The following MSH3 variants were observed in gnomAD, a reference collection of about 807,000 sequenced individuals.
MSH3 encodes DNA mismatch repair protein Msh3.
MSH3 carries 106 observed loss-of-function variants against 123.3 expected under a neutral mutation model. That is an observed-to-expected ratio of 0.86 (90% CI 0.73 to 1.01). The LOEUF is 1.01. Ranked by LOEUF, MSH3 falls within the 50% of genes least tolerant of loss-of-function variation. The pLI is 0.00. For missense variants in MSH3, 1,459 were observed against 1,347.6 expected (o/e 1.08, Z -1.29); for synonymous variants, 515 against 481.4 (o/e 1.07, Z -0.91).
intron 8 of MSH3, among the ~76,000 whole-genome samples, chr5:80,719,527 GGT>G (rs1402264540): frequency 6.6e-6 from 1 of 152,110 alleles, no homozygotes; most frequent in East Asian, 1.9e-4. Context: ...CGACAATCCT[GGT>G]TCTTATGTAA....
intron 10 of MSH3, among the ~76,000 whole-genome samples, chr5:80,731,702 AATTTGAAGAT>A (rs1482601865): frequency 6.6e-6 from 1 of 152,162 alleles, no homozygotes; most frequent in Admixed American, 6.5e-5. Context: ...AGTGGCATGT[AATTTGAAGAT>A]CATTCTAAAA....
At chr5:80,757,037 C>G (rs993890082) in intron 12 of MSH3, among the ~76,000 whole-genome samples, 1 of 152,000 alleles carries the variant, frequency 6.6e-6, no homozygotes, top group African/African-American at 2.4e-5. Context: ...AAAATACACC[C>G]CTAGCAGTTT....
At chr5:80,694,344 AT>A (rs1490110435) in intron 8 of MSH3, among the ~76,000 whole-genome samples, 5 of 152,350 alleles carry the variant, frequency 3.3e-5, no homozygotes, top group Middle Eastern at 3.4e-3. Flanking sequence ...ATTACATTAT[AT>A]ATACATAACT....
At position 80,685,388 on chromosome 5, in the gene MSH3, A is replaced by C. The variant is rs149254814; in HGVS notation, c.1340+6295A>C. Among the ~76,000 whole-genome samples the C allele has an allele frequency of 1.4e-3, 216 of 151,552 alleles. 1 individual carries two copies. The East Asian group carries it at 0.023, about 16-fold the overall frequency. ...CAGGTTTTGGATTTCTTCGTGGTTC[A>C]ATCTTGGTGGATTGTGTGTGTTTAG... is the stretch of plus-strand genomic sequence containing the variant. On this transcript the variant is annotated intron_variant, in intron 8 of 23. Transcript: ENST00000265081.
At chr5:80,724,534 C>CA (rs1247290664) in intron 8 of MSH3, among the ~76,000 whole-genome samples, 1 of 151,882 alleles carries the variant, frequency 6.6e-6, no homozygotes, top group Non-Finnish European at 1.5e-5. Flanking sequence ...AATAGGGAGT[C>CA]AAAAAACATA....
At chr5:80,719,898 T>C (rs777146624) in intron 8 of MSH3, among the ~76,000 whole-genome samples, 16 of 152,264 alleles carry the variant, frequency 1.1e-4, no homozygotes, top group Non-Finnish European at 2.1e-4. Context: ...CCTGGCAGGC[T>C]TGTTAAAGCG....
intron 8 of MSH3, among the ~76,000 whole-genome samples, chr5:80,705,915 C>G (rs1398489860): frequency 6.6e-6 from 1 of 152,168 alleles, no homozygotes; most frequent in Non-Finnish European, 1.5e-5. Context: ...ACATTATATA[C>G]TGAGGGTGTG....
intron 17 of MSH3, among the ~76,000 whole-genome samples, chr5:80,785,271 A>G (rs147932609): frequency 6.6e-6 from 1 of 152,332 alleles, no homozygotes; most frequent in East Asian, 1.9e-4. Context: ...TATCTGAGCT[A>G]CACTATTTTT....
At chr5:80,845,540 A>G (rs922774207) in intron 20 of MSH3, among the ~76,000 whole-genome samples, 6 of 152,186 alleles carry the variant, frequency 3.9e-5, no homozygotes, top group African/African-American at 1.2e-4. Context: ...CAGTACACCA[A>G]TCAAATGTAT....
Position 80,854,073 on chromosome 5 carries a change from C to T in MSH3, c.2814-57C>T, listed in dbSNP as rs1388959331. The T allele has an allele frequency of 7.3e-5, 99 of 1,352,440 alleles. No homozygotes were observed. In the Middle Eastern group the frequency reaches 1.8e-3, roughly 25 times the overall value. 83.8% of individuals were successfully genotyped at this position (1,352,440 alleles called of 1,614,324 possible). ...TATTTATTGTTCATAAAATAATGTTCGGCTTCCTAATAAGAAAGTGAAGAG... is the reference window on the plus strand; with the variant it reads ...TATTTATTGTTCATAAAATAATGTTTGGCTTCCTAATAAGAAAGTGAAGAG... On this transcript the variant is annotated intron_variant, in intron 20 of 23. Transcript: ENST00000265081.
chr5:80,860,717 G>T (rs1746002243), intron 21 of MSH3, among the ~76,000 whole-genome samples: 1 of 151,690 alleles, frequency 6.6e-6, no homozygotes, highest in Non-Finnish European at 1.5e-5. Flanking sequence ...ACATTACTTT[G>T]GGGAAATTCT....
intron 8 of MSH3, among the ~76,000 whole-genome samples, chr5:80,718,455 G>A (rs1470397998): frequency 6.8e-6 from 1 of 147,164 alleles, no homozygotes; most frequent in East Asian, 2.0e-4. Context: ...TTATCTACAG[G>A]TTCCCTCTCC....
intron 8 of MSH3, among the ~76,000 whole-genome samples, chr5:80,706,745 G>A (rs182152213): frequency 2.7e-4 from 41 of 152,174 alleles, no homozygotes; most frequent in African/African-American, 9.1e-4. Context: ...AGAATCTTAT[G>A]CCAAAAATAT....
At chr5:80,836,098 G>A (rs370321029) in intron 20 of MSH3, among the ~76,000 whole-genome samples, 2 of 151,866 alleles carry the variant, frequency 1.3e-5, no homozygotes, top group East Asian at 3.9e-4. Flanking sequence ...ATGTTTTTTA[G>A]AATAAACTCA....
intron 6 of MSH3, among the ~76,000 whole-genome samples, chr5:80,674,480 T>A (rs1223491307): frequency 1.3e-5 from 2 of 152,196 alleles, no homozygotes; most frequent in Non-Finnish European, 2.9e-5. Context: ...CATTATGGGA[T>A]TGTTAAGGAT....
At chr5:80,763,904 T>C (rs1490582339) in intron 13 of MSH3, among the ~76,000 whole-genome samples, 1 of 152,270 alleles carries the variant, frequency 6.6e-6, no homozygotes, top group Non-Finnish European at 1.5e-5. Context: ...AATTTCAAAA[T>C]ATAGTTTACT....
At position 80,813,504 on chromosome 5, in the gene MSH3, A is replaced by G. The variant is rs556313558; in HGVS notation, c.2656-80A>G. The G allele has an allele frequency of 8.9e-5, 127 of 1,432,862 alleles. No homozygotes were observed. The South Asian group carries it at 1.5e-3, about 16-fold the overall frequency. The allele number at this position is 1,432,862 out of a possible 1,614,324, so 88.8% of individuals were successfully genotyped here. On this transcript the variant is annotated intron_variant, in intron 19 of 23. Transcript: ENST00000265081. ...TACAAAGTAATGTTTTGCCTAATGC[A>G]TTTCCACTTATGAGATAAATTGTGG...
intron 9 of MSH3, among the ~76,000 whole-genome samples, chr5:80,727,468 G>A (rs1353845367): frequency 4.6e-5 from 7 of 152,084 alleles, no homozygotes; most frequent in South Asian, 2.1e-4. Context: ...CAGTGTAGTC[G>A]TATATAAGGA....
chr5:80,761,647 A>G lies in MSH3; in HGVS notation c.1865A>G (p.Glu622Gly). 1 of 1,614,158 alleles carries G rather than the reference A, an allele frequency of 6.2e-7. No individual in the cohort carries two copies. The highest frequency in any genetic ancestry group is 2.2e-5 in the East Asian group (1 of 44,878). ...CATCTACGTAAATTGCCCGACATAG[A>G]GAGGGGACTCTGTAGCATTTATCAC... ...ENHLRKLPDI[E>G]RGLCSIYHKK... The change falls in exon 13 of 24, where the codon GAG becomes GGG. Residue 622 changes from glutamate to glycine, a missense_variant. Coordinates refer to ENST00000265081, the MANE Select transcript of MSH3 (RefSeq NM_002439.5).
Sources: allele counts gnomAD v4.1 joint callset (sites outside exome capture counted in the v4.1 genomes callset), GRCh38; gene constraint gnomAD v4.1.1; transcripts MANE v1.5; gene names NCBI Gene and HGNC (gene_info 2026-07-23, HGNC 2026-07-21).